The following ITGA9 variants were observed in gnomAD, a reference collection of about 807,000 sequenced individuals.
The protein encoded by ITGA9 is integrin alpha-9.
Under a neutral mutation model 127.8 loss-of-function variants are expected in ITGA9, and 56 were observed. The ratio of observed to expected loss-of-function variants is 0.44; its 90% CI spans 0.35 to 0.55. The LOEUF (loss-of-function observed/expected upper bound fraction) is 0.55, where lower values mean the gene tolerates loss of function less well. Ranked by LOEUF, ITGA9 falls within the 20% of genes least tolerant of loss-of-function variation. ITGA9 has a pLI of 0.00. For missense variants in ITGA9, 1,196 were observed against 1,347.1 expected (o/e 0.89, Z 1.76); for synonymous variants, 508 against 514.5 (o/e 0.99, Z 0.17).
chr3:37,748,470 C>T (rs1465190621), intron 22 of ITGA9: 14 of 569,644 alleles, frequency 2.5e-5, no homozygotes, highest in South Asian at 4.7e-5. Context: ...AGGAAGCTGG[C>T]GGCACAGTAG....
At chr3:37,537,291 A>T (rs1037872349) in intron 14 of ITGA9, among the ~76,000 whole-genome samples, 3 of 151,980 alleles carry the variant, frequency 2.0e-5, no homozygotes, top group Non-Finnish European at 2.9e-5. Flanking sequence ...TTGCTGGGAT[A>T]AGCTGCTAGG....
At chr3:37,688,079 T>C (rs1700798378) in intron 18 of ITGA9, among the ~76,000 whole-genome samples, 1 of 152,172 alleles carries the variant, frequency 6.6e-6, no homozygotes, top group Admixed American at 6.5e-5. Context: ...AACCATTCCC[T>C]GGGCATGAAC....
chr3:37,467,127 C>T (rs1013691784), intron 1 of ITGA9, among the ~76,000 whole-genome samples: 10 of 152,108 alleles, frequency 6.6e-5, no homozygotes, highest in African/African-American at 2.2e-4. Flanking sequence ...TGCTGGGCTG[C>T]GGAGGAAGCC....
chr3:37,527,678 C>A (rs183631753), intron 13 of ITGA9, among the ~76,000 whole-genome samples: 46 of 152,280 alleles, frequency 3.0e-4, no homozygotes, highest in Non-Finnish European at 5.1e-4. Flanking sequence ...TTCATGATGT[C>A]ATCTTTGCTC....
rs747807737 is a variant in ITGA9 at position 37,629,208 on chromosome 3, A to G, written c.1711A>G (p.Ser571Gly). 3.7e-6 allele frequency: 6 copies of G among 1,613,110 alleles called. No individual in the cohort carries two copies. Among genetic ancestry groups the G allele is most frequent in the Non-Finnish European group, 5.1e-6 (6 of 1,179,914 alleles). ...TCAGCGGAGGGTGCAGGACGTCATC[A>G]GCCCGATCGTGTTTGAAGCAGCCTA... ...HVKRRVQDVI[S>G]PIVFEAAYSL... is the part of the protein sequence containing the mutation. Residue 571 changes from serine to glycine, a missense_variant, in exon 16 of 28, where the codon AGC becomes GGC. Ser to Gly is a moderately conservative substitution (Grantham distance 56). Coordinates refer to ENST00000264741, the MANE Select transcript of ITGA9 (RefSeq NM_002207.3). This position sits in a 1 kb window ranked among gnomAD's most constrained non-coding sequence, Gnocchi z 4.5.
At chr3:37,571,343 G>T (rs1699600153) in intron 15 of ITGA9, among the ~76,000 whole-genome samples, 1 of 152,170 alleles carries the variant, frequency 6.6e-6, no homozygotes, top group South Asian at 2.1e-4. Flanking sequence ...ATGAAATGAT[G>T]ATTAAGATAG....
At chr3:37,509,361 C>T (rs140409768) in intron 8 of ITGA9, among the ~76,000 whole-genome samples, 70 of 152,192 alleles carry the variant, frequency 4.6e-4, no homozygotes, top group Middle Eastern at 3.4e-3. Flanking sequence ...TGGCTTAGAT[C>T]AGCAGGACTG....
chr3:37,755,517 A>C (rs1031861553), intron 23 of ITGA9, among the ~76,000 whole-genome samples: 3 of 152,246 alleles, frequency 2.0e-5, no homozygotes, highest in East Asian at 1.9e-4. Context: ...TCTTCAGAGC[A>C]ATGCAAAAAG....
At position 37,687,739 on chromosome 3, in the gene ITGA9, C is replaced by T. The variant is rs115288433; in HGVS notation, c.2067+3724C>T. Among the ~76,000 whole-genome samples the T allele has an allele frequency of 5.0e-3, 768 of 152,218 alleles. 5 individuals carry two copies. The highest frequency in any genetic ancestry group is 0.017 in the African/African-American group (710 of 41,528). On this transcript the variant is annotated intron_variant, in intron 18 of 27. Coordinates refer to ENST00000264741, the MANE Select transcript of ITGA9 (RefSeq NM_002207.3). ...ACAGCCAACTTGCCCTCCATTGTGA[C>T]GTCAAAATAAAGATATACTCAGATA...
At chr3:37,664,892 C>T (rs992431423) in intron 17 of ITGA9, among the ~76,000 whole-genome samples, 9 of 151,400 alleles carry the variant, frequency 5.9e-5, no homozygotes, top group Middle Eastern at 3.2e-3. Context: ...GAACATTAGC[C>T]GTGTAATTTT....
intron 4 of ITGA9, among the ~76,000 whole-genome samples, chr3:37,487,591 G>T (rs1698624070): frequency 6.6e-6 from 1 of 152,166 alleles, no homozygotes; most frequent in African/African-American, 2.4e-5. Flanking sequence ...GTTGTGCTAG[G>T]TACTTAACAT....
intron 14 of ITGA9, among the ~76,000 whole-genome samples, 197 bp downstream of exon 14, chr3:37,533,665 T>C (rs1310694138): frequency 3.9e-5 from 6 of 152,200 alleles, no homozygotes; most frequent in Admixed American, 1.3e-4. Context: ...TCACACAACC[T>C]CCAGCTCTAG....
chr3:37,672,279 G>A (rs1430854302), intron 17 of ITGA9, among the ~76,000 whole-genome samples: 6 of 152,114 alleles, frequency 3.9e-5, no homozygotes, highest in Non-Finnish European at 5.9e-5. Flanking sequence ...GCAGGAACCC[G>A]GTGGGAGGTA....
intron 17 of ITGA9, among the ~76,000 whole-genome samples, chr3:37,675,935 G>T (rs190496382): frequency 6.6e-6 from 1 of 151,840 alleles, no homozygotes; most frequent in East Asian, 1.9e-4. Context: ...GTAGAGACAG[G>T]GTTTCACCAT....
intron 15 of ITGA9, among the ~76,000 whole-genome samples, chr3:37,608,765 G>A (rs1326296683): frequency 6.6e-6 from 1 of 152,074 alleles, no homozygotes; most frequent in Non-Finnish European, 1.5e-5. Flanking sequence ...TGTTTTATAC[G>A]TCTAGAGGAT....
chr3:37,725,765 T>A (rs1185626616), intron 18 of ITGA9, among the ~76,000 whole-genome samples: 2 of 152,224 alleles, frequency 1.3e-5, no homozygotes, highest in Admixed American at 1.3e-4. Context: ...GCAGTGGCAG[T>A]CCAGCAATAC....
At chr3:37,474,375 G>A (rs1466110496) in intron 3 of ITGA9, among the ~76,000 whole-genome samples, 6 of 152,182 alleles carry the variant, frequency 3.9e-5, no homozygotes, top group South Asian at 2.1e-4. Flanking sequence ...TTGGAAAGCA[G>A]AGAGAGAGAA....
chr3:37,725,409 A>G (rs1247448708), intron 18 of ITGA9, among the ~76,000 whole-genome samples: 6 of 152,214 alleles, frequency 3.9e-5, no homozygotes, highest in Non-Finnish European at 7.3e-5. Context: ...TATGCTGTTC[A>G]AATGACAGGC....
intron 15 of ITGA9, among the ~76,000 whole-genome samples, chr3:37,547,673 A>C (rs866814466): frequency 2.6e-5 from 4 of 152,222 alleles, no homozygotes; most frequent in African/African-American, 9.6e-5. Flanking sequence ...GGAAAATAAC[A>C]TGCTAAATCT....
Sources: gnomAD v4.1 joint callset for allele counts (sites outside exome capture counted in the v4.1 genomes callset) on GRCh38, gnomAD v4.1.1 for gene constraint, Gnocchi (gnomAD v3.1) non-coding constraint, MANE v1.5 for transcripts, NCBI Gene and HGNC (gene_info 2026-07-23, HGNC 2026-07-21) for gene names.